VTI1A: variants seen among roughly 807,000 people sequenced by gnomAD.
VTI1A encodes vesicle transport through interaction with t-SNAREs 1A, also known as vesicle transport through interaction with t-SNAREs homolog 1A.
In VTI1A, 22 loss-of-function variants were observed where a neutral mutation model predicts 34.9. The ratio of observed to expected loss-of-function variants is 0.63; its 90% CI spans 0.45 to 0.90. The LOEUF (loss-of-function observed/expected upper bound fraction) is 0.90, where lower values mean the gene tolerates loss of function less well. Ranked by LOEUF, VTI1A falls within the 40% of genes least tolerant of loss-of-function variation. VTI1A has a pLI of 0.00. For missense variants in VTI1A, 268 were observed against 275.6 expected, an observed-to-expected ratio of 0.97 and a Z score of 0.20; for synonymous variants, 87 against 97.3, an observed-to-expected ratio of 0.89 and a Z score of 0.62.
At chr10:112,447,556 A>T in intron 1 of VTI1A, 89 bp downstream of exon 1, 1 of 1,441,406 alleles carries the variant, frequency 6.9e-7, no homozygotes. Flanking sequence ...TGTGTCTATG[A>T]GGCGCGAGGC....
chr10:112,726,248 C>G (rs1280876639), intron 7 of VTI1A, among the ~76,000 whole-genome samples: 1 of 152,196 alleles, frequency 6.6e-6, no homozygotes, highest in African/African-American at 2.4e-5. Flanking sequence ...CCTTCATCCT[C>G]TCCTTCTAAA....
the VTI1A span, chr10:112,827,188 C>G: frequency 6.6e-6 from 1 of 152,204 alleles, no homozygotes; most frequent in East Asian, 1.9e-4. Flanking sequence ...CCGTGTAGTA[C>G]ATAGTCACAT....
chr10:112,507,325 TTCCG>T (rs1849465427), intron 3 of VTI1A, among the ~76,000 whole-genome samples: 1 of 152,156 alleles, frequency 6.6e-6, no homozygotes, highest in Non-Finnish European at 1.5e-5. Flanking sequence ...CTCTGGCAAG[TTCCG>T]TATATTCTCC....
At chr10:112,647,677 ATTTG>A (rs1846853608) in intron 5 of VTI1A, among the ~76,000 whole-genome samples, 1 of 152,180 alleles carries the variant, frequency 6.6e-6, no homozygotes, top group African/African-American at 2.4e-5. Context: ...TTATGTATAG[ATTTG>A]TTTATTATCA....
At chr10:112,762,670 C>T (rs552911991) in intron 7 of VTI1A, among the ~76,000 whole-genome samples, 2 of 152,102 alleles carry the variant, frequency 1.3e-5, no homozygotes, top group South Asian at 2.1e-4. Flanking sequence ...CAGTCATTAG[C>T]GTCAGTATTC....
chr10:112,761,242 C>T (rs1167634569), intron 7 of VTI1A, among the ~76,000 whole-genome samples: 2 of 152,094 alleles, frequency 1.3e-5, no homozygotes, highest in African/African-American at 4.8e-5. Context: ...AAGTGATCAC[C>T]CTTAGATTCT....
At chr10:112,820,386 C>T (rs754363740), downstream of VTI1A, among the ~76,000 whole-genome samples, 40 of 152,350 alleles carry the variant, frequency 2.6e-4, no homozygotes, top group Admixed American at 7.2e-4. Flanking sequence ...CAACCTCACC[C>T]TATGCAGTAA....
intron 3 of VTI1A, among the ~76,000 whole-genome samples, chr10:112,486,346 A>G (rs1848626224): frequency 6.6e-6 from 1 of 152,222 alleles, no homozygotes; most frequent in South Asian, 2.1e-4. Flanking sequence ...TAAAATGGAA[A>G]TAATGATACT....
At chr10:112,612,964 GT>G (rs1845377998) in intron 5 of VTI1A, among the ~76,000 whole-genome samples, 1 of 152,246 alleles carries the variant, frequency 6.6e-6, no homozygotes, top group African/African-American at 2.4e-5. Context: ...AAATGTGGCT[GT>G]GAGGTAGGAA....
At chr10:112,846,155 A>G in the VTI1A span, among the ~76,000 whole-genome samples, 67 of 152,332 alleles carry the variant, frequency 4.4e-4, no homozygotes, top group African/African-American at 1.5e-3. Flanking sequence ...GTCATCTTCC[A>G]TCCTGTTCAC....
At chr10:112,520,009 G>A (rs1389342384) in intron 3 of VTI1A, among the ~76,000 whole-genome samples, 2 of 152,020 alleles carry the variant, frequency 1.3e-5, no homozygotes, top group Admixed American at 1.3e-4. Flanking sequence ...TACAAATGAA[G>A]CATCTATTGC....
At chr10:112,669,153 A>C (rs988842722) in intron 7 of VTI1A, 155 bp downstream of exon 7, 1 of 355,532 alleles carries the variant, frequency 2.8e-6, no homozygotes, top group Non-Finnish European at 3.9e-6. Flanking sequence ...ACTGATGTTA[A>C]CTCTTGTTTG....
Position 112,802,805 on chromosome 10 carries a change from C to G in VTI1A, c.561-12485C>G, listed in dbSNP as rs113984031. Among the ~76,000 whole-genome samples the G allele has an allele frequency of 7.0e-3, 1,060 of 152,188 alleles. 5 individuals are homozygous for G. The highest frequency in any genetic ancestry group is 0.011 in the Non-Finnish European group (777 of 68,012). On this transcript the variant is annotated intron_variant, in intron 7 of 7. Transcript: ENST00000393077. ...AAGAGAAAGTAATTTCCAAGGGAGA[C>G]TACATTTCCAATGTCCAAAGAAGGA...
At chr10:112,558,120 G>A (rs563716906) in intron 5 of VTI1A, among the ~76,000 whole-genome samples, 8 of 152,176 alleles carry the variant, frequency 5.3e-5, no homozygotes, top group Admixed American at 5.2e-4. Context: ...CAAAATCAAG[G>A]CACATTTAGT....
intron 3 of VTI1A, among the ~76,000 whole-genome samples, chr10:112,494,303 A>G (rs1460670503): frequency 6.6e-6 from 1 of 151,888 alleles, no homozygotes; most frequent in East Asian, 1.9e-4. Flanking sequence ...TCTTCTGTTC[A>G]TGGTTTTGTA....
chr10:112,561,658 A>G (rs925508159), intron 5 of VTI1A, among the ~76,000 whole-genome samples: 1 of 152,198 alleles, frequency 6.6e-6, no homozygotes, highest in Non-Finnish European at 1.5e-5. Flanking sequence ...ATGGAAAAAG[A>G]TATTTTAACA....
At chr10:112,629,527 C>T (rs1188309950) in intron 5 of VTI1A, among the ~76,000 whole-genome samples, 1 of 152,176 alleles carries the variant, frequency 6.6e-6, no homozygotes, top group Non-Finnish European at 1.5e-5. Context: ...GTTAGGCTTC[C>T]CTTAGGAAGG....
intron 5 of VTI1A, among the ~76,000 whole-genome samples, chr10:112,588,719 T>C (rs1051024659): frequency 1.3e-5 from 2 of 152,232 alleles, no homozygotes; most frequent in African/African-American, 4.8e-5. Context: ...TGCAAGCCCG[T>C]ATTCCTCACA....
intron 5 of VTI1A, among the ~76,000 whole-genome samples, chr10:112,570,450 CT>C (rs1341803003): frequency 6.6e-6 from 1 of 152,050 alleles, no homozygotes; most frequent in Non-Finnish European, 1.5e-5. Context: ...TTTTGTAATA[CT>C]TTGGATATTG....
Sources: gnomAD v4.1 joint callset for allele counts (sites outside exome capture counted in the v4.1 genomes callset) on GRCh38, gnomAD v4.1.1 for gene constraint, MANE v1.5 for transcripts, NCBI Gene and HGNC (gene_info 2026-07-23, HGNC 2026-07-21) for gene names.